Variants in MEGF9 observed in about 807,000 individuals in gnomAD.
The protein encoded by MEGF9 is multiple epidermal growth factor-like domains protein 9.
A neutral mutation model predicts 46.8 loss-of-function variants in MEGF9; 6 were observed. The observed-to-expected ratio is 0.13, with a 90% confidence interval of 0.07 to 0.25. The LOEUF is 0.25. MEGF9 is among the 10% of genes least tolerant of loss of function. The pLI, the probability that MEGF9 is intolerant of heterozygous loss-of-function variation, is 1.00. For synonymous variants in MEGF9, 302 were observed against 330.7 expected (o/e 0.91, Z 0.94); for missense variants, 683 against 792.4 (o/e 0.86, Z 1.66).
rs370281228 is a variant in MEGF9, at chr9:120,695,603, C to CAAAAAAAAAAAAA, written c.601+18142_601+18154dup. Among the ~76,000 whole-genome samples, 26 of 18,684 alleles carry CAAAAAAAAAAAAA rather than the reference C, an allele frequency of 1.4e-3. 3 individuals carry two copies. Among genetic ancestry groups the CAAAAAAAAAAAAA allele is most frequent in the African/African-American group, 3.1e-3 (26 of 8,266 alleles). 12.3% of individuals were successfully genotyped at this position (18,684 alleles called of 152,430 possible). ...TGGGTGACAGTGTGAGACCCCATCT[C>CAAAAAAAAAAAAA]AAAAAAAAAAAAAAAAAAAAAAAAA... On this transcript the variant is annotated intron_variant, in intron 1 of 5. Transcript: ENST00000373930.
rs71385077 is a variant in MEGF9, at chr9:120,687,670, CTGTGTGTGTG to C, written c.601+26078_601+26087del. On this transcript the variant is annotated intron_variant, in intron 1 of 5. Coordinates refer to ENST00000373930, the MANE Select transcript of MEGF9 (RefSeq NM_001080497.3). ...CAAAATTTGAAACATGAACACAACA[CTGTGTGTGTG>C]TGTGTGTGTGTGTGTGTGTGTGTGT... is the stretch of plus-strand genomic sequence containing the variant. 2.1e-3 allele frequency among the ~76,000 whole-genome samples: 305 copies of C among 142,032 alleles called. 2 individuals carry two copies. The highest frequency in any genetic ancestry group is 0.021 in the South Asian group (90 of 4,372). 93.2% of individuals were successfully genotyped at this position (142,032 alleles called of 152,430 possible).
At chr9:120,680,813 C>T (rs1317509511) in intron 1 of MEGF9, among the ~76,000 whole-genome samples, 1 of 152,194 alleles carries the variant, frequency 6.6e-6, no homozygotes, top group African/African-American at 2.4e-5. Flanking sequence ...CCTGTGGCCA[C>T]CACCACCACT....
chr9:120,624,760 C>T (rs2043516685), intron 2 of MEGF9, among the ~76,000 whole-genome samples: 1 of 151,638 alleles, frequency 6.6e-6, no homozygotes, highest in Admixed American at 6.6e-5. Flanking sequence ...GTAGTTCCAG[C>T]TACCTGGGAG....
At chr9:120,682,710 G>A (rs899207272) in intron 1 of MEGF9, among the ~76,000 whole-genome samples, 1 of 152,116 alleles carries the variant, frequency 6.6e-6, no homozygotes, top group African/African-American at 2.4e-5. Flanking sequence ...AGCGTCCCGA[G>A]TAGCTGGGAC....
chr9:120,708,097 C>T (rs144855966), intron 1 of MEGF9, among the ~76,000 whole-genome samples: 2 of 152,072 alleles, frequency 1.3e-5, no homozygotes, highest in East Asian at 3.9e-4. Flanking sequence ...GTAGCTCATG[C>T]CTGTAATCCT....
chr9:120,698,396 C>T (rs7849643), intron 1 of MEGF9, among the ~76,000 whole-genome samples: 6,122 of 152,244 alleles, frequency 0.04, 409 homozygotes, highest in African/African-American at 0.14. Context: ...ACCATTACTG[C>T]TGTAACTGGC....
chr9:120,611,865 A>AAGAGAGAG (rs3983894), intron 4 of MEGF9, among the ~76,000 whole-genome samples: 2,348 of 137,158 alleles, frequency 0.017, 37 homozygotes, highest in Middle Eastern at 0.024. Flanking sequence ...GGAAGGAAGA[A>AAGAGAGAG]AGAGAGAGAG....
chr9:120,693,275 C>CAAAAAAAAAAAAAAAAAAAAAAGAAAAA (rs10633158), intron 1 of MEGF9, among the ~76,000 whole-genome samples: 1 of 104,492 alleles, frequency 9.6e-6, no homozygotes, highest in Non-Finnish European at 1.9e-5. Flanking sequence ...TCTGGTTAAC[C>CAAAAAAAAAAAAAAAAAAAAAAGAAAAA]AAAAAAAAAA....
intron 2 of MEGF9, among the ~76,000 whole-genome samples, chr9:120,654,046 G>C (rs888171628): frequency 5.3e-5 from 8 of 152,154 alleles, no homozygotes; most frequent in Non-Finnish European, 1.2e-4. Context: ...CGGAGGCTGG[G>C]AAGAACACTC....
intron 3 of MEGF9, among the ~76,000 whole-genome samples, chr9:120,614,101 T>C (rs1330253078): frequency 6.6e-6 from 1 of 152,050 alleles, no homozygotes; most frequent in Non-Finnish European, 1.5e-5. Flanking sequence ...CACCACTCAC[T>C]GCAACCTCCA....
At chr9:120,647,617 G>C (rs1165686162) in intron 2 of MEGF9, among the ~76,000 whole-genome samples, 1 of 152,174 alleles carries the variant, frequency 6.6e-6, no homozygotes, top group Admixed American at 6.5e-5. Context: ...TTGGGGTACA[G>C]AGTAAAGTTA....
chr9:120,694,130 T>C (rs947795497), intron 1 of MEGF9, among the ~76,000 whole-genome samples: 2 of 152,142 alleles, frequency 1.3e-5, no homozygotes, highest in Admixed American at 6.5e-5. Context: ...AAAAGATGCA[T>C]TACAACTAAC....
At chr9:120,671,306 C>A (rs968157172) in intron 1 of MEGF9, among the ~76,000 whole-genome samples, 4 of 152,144 alleles carry the variant, frequency 2.6e-5, no homozygotes, top group African/African-American at 9.7e-5. Flanking sequence ...CCCATCAAGG[C>A]CCCAAACATA....
Position 120,642,560 on chromosome 9 carries a change from T to C in MEGF9, c.803+16814A>G, listed in dbSNP as rs187971820. 2.0e-5 allele frequency among the ~76,000 whole-genome samples: 3 copies of C among 152,350 alleles called. No homozygotes were observed. In the East Asian group the frequency reaches 5.8e-4, roughly 29 times the overall value. On this transcript the variant is annotated intron_variant, in intron 2 of 5. Transcript: ENST00000373930. ...GAGGTTTAAAGTGTTCAATGAATGTTAATTTCCTTCTGTTCCTCCTGCTGC... is the reference window on the plus strand; with the variant it reads ...GAGGTTTAAAGTGTTCAATGAATGTCAATTTCCTTCTGTTCCTCCTGCTGC...
At chr9:120,686,906 T>C (rs2043825273) in intron 1 of MEGF9, among the ~76,000 whole-genome samples, 1 of 152,164 alleles carries the variant, frequency 6.6e-6, no homozygotes, top group African/African-American at 2.4e-5. Context: ...AGAGTAACTA[T>C]TTGAACAAAA....
intron 1 of MEGF9, among the ~76,000 whole-genome samples, chr9:120,677,896 T>A (rs2043780615): frequency 6.6e-6 from 1 of 152,202 alleles, no homozygotes; most frequent in Non-Finnish European, 1.5e-5. Context: ...TTTGTACCCA[T>A]TAACCATCCC....
At chr9:120,625,833 CAAAAAAA>C (rs763605820) in intron 2 of MEGF9, among the ~76,000 whole-genome samples, 2 of 113,186 alleles carry the variant, frequency 1.8e-5, no homozygotes, top group East Asian at 2.7e-4. Flanking sequence ...CTCTGTCTCA[CAAAAAAA>C]AAAAAAAAAA....
rs2043409838 is a variant in MEGF9 at position 120,604,228 on chromosome 9, T to TA, written c.*961dup. 6.6e-6 allele frequency: 1 copy of TA among 152,454 alleles called. No individual in the cohort carries two copies. Among genetic ancestry groups the TA allele is most frequent in the African/African-American group, 2.4e-5 (1 of 41,452 alleles). The allele number at this position is 152,454 out of a possible 1,614,324, so 9.4% of individuals were successfully genotyped here. A position where few individuals can be genotyped will look rare whatever the true frequency, so the allele number is the denominator to read the frequency against. On this transcript the variant is annotated 3_prime_UTR_variant, in exon 6 of 6. Coordinates refer to ENST00000373930, the MANE Select transcript of MEGF9 (RefSeq NM_001080497.3). ...GGAAAGAAAGAAACATTCGACCTCT[T>TA]ATAAATTTCAGCAATGTCCTCAAGA... is the stretch of plus-strand genomic sequence containing the variant.
Position 120,604,948 on chromosome 9 carries a change from T to G in MEGF9, c.*242A>C. On this transcript the variant is annotated 3_prime_UTR_variant, in exon 6 of 6. Coordinates refer to ENST00000373930, the MANE Select transcript of MEGF9 (RefSeq NM_001080497.3). The stretch of plus-strand genomic sequence containing the variant: ...GGGGTTCAGCCTTTCCATACTCCCA[T>G]GTGGTTTGGTACAAAAATATACTTT... 3.9e-6 allele frequency: 2 copies of G among 509,170 alleles called. No homozygotes were observed. The highest frequency in any genetic ancestry group is 7.0e-6 in the Non-Finnish European group (2 of 287,422). The allele number at this position is 509,170 out of a possible 1,614,324, so 31.5% of individuals were successfully genotyped here.
Sources: gnomAD v4.1 joint callset for allele counts (sites outside exome capture counted in the v4.1 genomes callset) on GRCh38, gnomAD v4.1.1 for gene constraint, MANE v1.5 for transcripts, NCBI Gene and HGNC (gene_info 2026-07-23, HGNC 2026-07-21) for gene names.